Variants in PRDM14 observed in about 807,000 individuals in gnomAD.
PRDM14 encodes the protein PR domain zinc finger protein 14.
In PRDM14, 16 loss-of-function variants were observed where a neutral mutation model predicts 48.0. That is an observed-to-expected ratio of 0.33 (90% CI 0.23 to 0.51). The LOEUF (loss-of-function observed/expected upper bound fraction) is 0.51, where lower values mean the gene tolerates loss of function less well. Ranked by LOEUF, PRDM14 falls within the 20% of genes least tolerant of loss-of-function variation. PRDM14 has a pLI of 0.97. For synonymous variants in PRDM14, 264 were observed against 276.6 expected (o/e 0.95, Z 0.45); for missense variants, 566 against 719.6 (o/e 0.79, Z 2.44).
At chr8:70,056,968 CTTTTTTTTT>C (rs34066424) in intron 6 of PRDM14, among the ~76,000 whole-genome samples, 5 of 137,940 alleles carry the variant, frequency 3.6e-5, no homozygotes, top group Non-Finnish European at 7.8e-5. Context: ...AGTTTCTTTT[CTTTTTTTTT>C]TTTTTTGAGA....
intron 1 of PRDM14, among the ~76,000 whole-genome samples, chr8:70,070,332 CCG>C (rs1805745685): frequency 6.6e-6 from 1 of 152,194 alleles, no homozygotes; most frequent in South Asian, 2.1e-4. Context: ...CGGGGCTGGG[CCG>C]GGAGCCGAGC....
At chr8:70,059,115 T>C (rs1254565207) in intron 5 of PRDM14, among the ~76,000 whole-genome samples, 1 of 145,912 alleles carries the variant, frequency 6.9e-6, no homozygotes, top group East Asian at 2.1e-4. Flanking sequence ...CTACCACGCC[T>C]GGCTAATTTT....
At chr8:70,067,386 C>T (rs923312190) in intron 4 of PRDM14, among the ~76,000 whole-genome samples, 4 of 152,150 alleles carry the variant, frequency 2.6e-5, no homozygotes, top group Admixed American at 2.0e-4. Context: ...GGCATGGTGG[C>T]ACATGCCTGT....
In PRDM14 at chr8:70,058,667, A is replaced by G. The variant is rs562802980; in HGVS notation, c.1359T>C (p.His453=). Reference sequence around the variant, plus strand: ...TGTGAGGCCGGTGCTTCTCATGAACATGAAGAATGTGGATCCGAAGCCGGT... The same window carrying G: ...TGTGAGGCCGGTGCTTCTCATGAACGTGAAGAATGTGGATCCGAAGCCGGT... ...KRDRLRIHIL[H]VHEKHRPHKC... Residue 453 remains histidine, a synonymous_variant, in exon 6 of 8, where the codon CAT becomes CAC. Coordinates refer to ENST00000276594, the MANE Select transcript of PRDM14 (RefSeq NM_024504.4). The G allele has an allele frequency of 2.9e-5, 46 of 1,613,920 alleles. No individual in the cohort carries two copies. Among genetic ancestry groups the G allele is most frequent in the Non-Finnish European group, 3.8e-5 (45 of 1,179,982 alleles).
At chr8:70,065,764 T>C (rs1302735009) in intron 5 of PRDM14, among the ~76,000 whole-genome samples, 1 of 150,710 alleles carries the variant, frequency 6.6e-6, no homozygotes, top group Non-Finnish European at 1.5e-5. Context: ...TATTTTCTAT[T>C]CTACTCTATA....
At chr8:70,058,581 AG>A (rs1805520854) in intron 6 of PRDM14, 58 bp downstream of exon 6, 7 of 1,492,352 alleles carry the variant, frequency 4.7e-6, no homozygotes, top group Non-Finnish European at 5.6e-6. Flanking sequence ...CCCCGTGTTC[AG>A]GAGCTTGGGA....
chr8:70,065,728 C>A lies in PRDM14; in HGVS notation c.1183+507G>T, dbSNP rs552117104. Among the ~76,000 whole-genome samples, 13 of 152,112 alleles carry A rather than the reference C, an allele frequency of 8.5e-5. No individual in the cohort carries two copies. In the East Asian group the frequency reaches 2.3e-3, roughly 27 times the overall value. ...TGAAATAGAAATTTCACAAAACAAT[C>A]CTTACTCTTAAGGGATTCCCATCAA... is the stretch of plus-strand genomic sequence containing the variant. On this transcript the variant is annotated intron_variant, in intron 5 of 7. Coordinates refer to ENST00000276594, the MANE Select transcript of PRDM14 (RefSeq NM_024504.4).
intron 7 of PRDM14, among the ~76,000 whole-genome samples, chr8:70,054,677 C>T (rs956820549): frequency 1.3e-5 from 2 of 149,406 alleles, no homozygotes; most frequent in East Asian, 2.0e-4. Flanking sequence ...TGCCACCATG[C>T]CCAGCTAATT....
intron 7 of PRDM14, 96 bp downstream of exon 7, chr8:70,055,204 C>G (rs1328939976): frequency 3.1e-6 from 2 of 648,876 alleles, no homozygotes; most frequent in East Asian, 5.5e-5. Flanking sequence ...CTAACATTTA[C>G]CAAGAACTCA....
Position 70,051,922 on chromosome 8 carries a change from C to T in PRDM14, c.*155G>A, listed in dbSNP as rs1012381753. The T allele has an allele frequency of 3.5e-6, 2 of 571,950 alleles. No homozygotes were observed. The highest frequency in any genetic ancestry group is 6.1e-6 in the Non-Finnish European group (2 of 325,380). 35.4% of individuals were successfully genotyped at this position (571,950 alleles called of 1,614,324 possible). ...GAGTGGCTGGAACCACAGGCATGTGCCACCACCCCCAGCTGATTTTTGTAT... is the reference window on the plus strand; with the variant it reads ...GAGTGGCTGGAACCACAGGCATGTGTCACCACCCCCAGCTGATTTTTGTAT... On this transcript the variant is annotated 3_prime_UTR_variant, in exon 8 of 8. Coordinates refer to ENST00000276594, the MANE Select transcript of PRDM14 (RefSeq NM_024504.4).
At chr8:70,063,776 G>A (rs971463066) in intron 5 of PRDM14, among the ~76,000 whole-genome samples, 4 of 152,092 alleles carry the variant, frequency 2.6e-5, no homozygotes, top group African/African-American at 9.7e-5. Context: ...AACCACCTTG[G>A]CCTCCCAAAG....
intron 4 of PRDM14, among the ~76,000 whole-genome samples, chr8:70,067,242 C>T (rs751482471): frequency 1.4e-4 from 21 of 152,118 alleles, no homozygotes; most frequent in Non-Finnish European, 2.9e-4. Flanking sequence ...CTTTCAAGGC[C>T]GGGCCTGGTG....
intron 6 of PRDM14, among the ~76,000 whole-genome samples, chr8:70,056,363 C>A (rs764279791): frequency 3.3e-5 from 5 of 152,210 alleles, no homozygotes; most frequent in Admixed American, 1.3e-4. Flanking sequence ...AAGGAAATTA[C>A]ACTAACTAAA....
chr8:70,063,255 GA>G (rs1318226357), intron 5 of PRDM14, among the ~76,000 whole-genome samples: 1 of 151,946 alleles, frequency 6.6e-6, no homozygotes, highest in Non-Finnish European at 1.5e-5. Context: ...CCAAAATGGC[GA>G]AACCCCATCT....
In PRDM14 at chr8:70,069,105, GT is replaced by G. The variant is rs1805719761; in HGVS notation, c.700+55del. The G allele has an allele frequency of 5.1e-6, 7 of 1,370,372 alleles. No homozygotes were observed. In the Admixed American group the frequency reaches 1.6e-4, roughly 30 times the overall value. The allele number at this position is 1,370,372 out of a possible 1,614,324, so 84.9% of individuals were successfully genotyped here. Reference sequence around the variant, plus strand: ...GAAGCGCCTCTTCCCGGACACTCCCGTTCCCGCCTGCATTCCCGTCCAATTC... The same window carrying G: ...GAAGCGCCTCTTCCCGGACACTCCCGTCCCGCCTGCATTCCCGTCCAATTC... On this transcript the variant is annotated intron_variant, in intron 2 of 7. Coordinates refer to ENST00000276594, the MANE Select transcript of PRDM14 (RefSeq NM_024504.4).
chr8:70,071,059 A>G lies in PRDM14; in HGVS notation c.-25+91T>C. 1 of 152,342 alleles carries G rather than the reference A, an allele frequency of 6.6e-6. No homozygotes were observed. Among genetic ancestry groups the G allele is most frequent in the Non-Finnish European group, 1.5e-5 (1 of 68,158 alleles). The allele number at this position is 152,342 out of a possible 1,614,324, so 9.4% of individuals were successfully genotyped here. On this transcript the variant is annotated intron_variant, in intron 1 of 7. Transcript: ENST00000276594. The surrounding 1 kb of genome is among the most constrained non-coding windows in gnomAD (Gnocchi z 5.2). The stretch of plus-strand genomic sequence containing the variant: ...CCGAGAGGGCAGAACGACCATCCAA[A>G]ACGAACTGCGCCAGCGAGTGCTGCC...
Position 70,068,547 on chromosome 8 carries a change from G to T in PRDM14, c.701-15C>A. The T allele has an allele frequency of 6.2e-7, 1 of 1,613,186 alleles. No individual in the cohort carries two copies. The highest frequency in any genetic ancestry group is 8.5e-7 in the Non-Finnish European group (1 of 1,179,224). On this transcript the variant is annotated splice_polypyrimidine_tract_variant and intron_variant, in intron 2 of 7. Coordinates refer to ENST00000276594, the MANE Select transcript of PRDM14 (RefSeq NM_024504.4). ...AGAATCAGATCCTAGCAAAAGGCAG[G>T]TTAAAACAATTTTTCATTAAAAATG...
rs1191591879 is a variant in PRDM14 at position 70,051,878 on chromosome 8, C to A, written c.*199G>T. On this transcript the variant is annotated 3_prime_UTR_variant, in exon 8 of 8. Transcript: ENST00000276594. ...CCTCCGTCTCCTGTGCTCAAACCAT[C>A]CTGCCACCTCGACCTCCTGAGTGGC... is the stretch of plus-strand genomic sequence containing the variant. 5 of 518,560 alleles carry A rather than the reference C, an allele frequency of 9.6e-6. No homozygotes were observed. Among genetic ancestry groups the A allele is most frequent in the Admixed American group, 6.4e-5 (2 of 31,280 alleles). 32.1% of individuals were successfully genotyped at this position (518,560 alleles called of 1,614,324 possible).
At chr8:70,068,615 C>T in intron 2 of PRDM14, 83 bp from the exon 3 acceptor site, 1 of 1,095,806 alleles carries the variant, frequency 9.1e-7, no homozygotes, top group Non-Finnish European at 1.4e-6. Flanking sequence ...CCTTAATTCC[C>T]TAAAGGTAAC....
Sources: gnomAD v4.1 joint callset for allele counts (sites outside exome capture counted in the v4.1 genomes callset) on GRCh38, gnomAD v4.1.1 for gene constraint, Gnocchi (gnomAD v3.1) non-coding constraint, MANE v1.5 for transcripts, NCBI Gene and HGNC (gene_info 2026-07-23, HGNC 2026-07-21) for gene names.